The following KY variants were observed in gnomAD, a reference collection of about 807,000 sequenced individuals.
KY encodes the protein kyphoscoliosis peptidase.
In KY, 43 loss-of-function variants were observed where a neutral mutation model predicts 76.1. The observed-to-expected ratio is 0.57, with a 90% confidence interval of 0.44 to 0.73. KY has a LOEUF of 0.73. Ranked by LOEUF, KY falls within the 30% of genes least tolerant of loss-of-function variation. The pLI, the probability that KY is intolerant of heterozygous loss-of-function variation, is 0.00. For synonymous variants in KY, 277 were observed against 326.2 expected (o/e 0.85, Z 1.63); for missense variants, 722 against 828.9 (o/e 0.87, Z 1.58).
intron 3 of KY, 58 bp from the exon 4 acceptor site, chr3:134,629,753 C>T: frequency 1.0e-6 from 1 of 999,540 alleles, no homozygotes. Flanking sequence ...AGGGTGAATG[C>T]CTCATGACTG....
intron 1 of KY, among the ~76,000 whole-genome samples, chr3:134,648,067 GCT>G (rs1966643041): frequency 6.6e-6 from 1 of 152,244 alleles, no homozygotes; most frequent in Admixed American, 6.5e-5. Context: ...GGGAAGGAAA[GCT>G]CTCGCTCTGG....
chr3:134,638,426 C>T (rs1280705546), intron 3 of KY, among the ~76,000 whole-genome samples: 1 of 152,190 alleles, frequency 6.6e-6, no homozygotes, highest in Non-Finnish European at 1.5e-5. Context: ...TGACTATTAA[C>T]CACCACAACC....
At chr3:134,607,701 G>A (rs1443979763) in intron 10 of KY, 1 of 985,684 alleles carries the variant, frequency 1.0e-6, no homozygotes, top group Admixed American at 6.1e-5. Context: ...GTATGCCTCA[G>A]AGTGTGCAAA....
chr3:134,605,972 T>A (rs1959189391), intron 10 of KY, among the ~76,000 whole-genome samples: 1 of 152,204 alleles, frequency 6.6e-6, no homozygotes, highest in African/African-American at 2.4e-5. Context: ...TCTACATGCT[T>A]TCTCTACTGC....
intron 6 of KY, among the ~76,000 whole-genome samples, chr3:134,621,243 C>T (rs1238735195): frequency 6.6e-6 from 1 of 152,080 alleles, no homozygotes; most frequent in Non-Finnish European, 1.5e-5. Context: ...CTATAAATTC[C>T]AAGGGGCTCC....
At chr3:134,618,199 G>A (rs142888914) in intron 8 of KY, among the ~76,000 whole-genome samples, 2,278 of 152,242 alleles carry the variant, frequency 0.015, 36 homozygotes, top group Non-Finnish European at 0.019. Context: ...GCAGGAGGCA[G>A]CACAACAGGG....
chr3:134,647,548 A>G, intron 1 of KY, 51 bp from the exon 2 acceptor site: 8 of 1,155,382 alleles, frequency 6.9e-6, no homozygotes, highest in South Asian at 1.3e-5. Context: ...CAAAAGAGTG[A>G]TGTACCAGTT....
At chr3:134,648,106 G>A (rs2108044417) in intron 1 of KY, among the ~76,000 whole-genome samples, 1 of 152,368 alleles carries the variant, frequency 6.6e-6, no homozygotes, top group East Asian at 1.9e-4. Context: ...TAGCCGCAAG[G>A]TCGAGTTCCT....
At chr3:134,640,248 A>G (rs758348629) in intron 3 of KY, among the ~76,000 whole-genome samples, 22 of 152,244 alleles carry the variant, frequency 1.4e-4, no homozygotes, top group Non-Finnish European at 2.8e-4. Flanking sequence ...ACCCAAATCA[A>G]CACCACCAGA....
intron 8 of KY, among the ~76,000 whole-genome samples, chr3:134,612,728 G>GTCAGC (rs1231266180): frequency 6.7e-6 from 1 of 148,462 alleles, no homozygotes; most frequent in East Asian, 2.0e-4. Flanking sequence ...AATCTCTCCA[G>GTCAGC]TCAGCACAAT....
rs989867286 is a variant in KY, at chr3:134,603,510, C to T, written c.*69G>A. The T allele has an allele frequency of 4.2e-6, 6 of 1,429,986 alleles. No individual in the cohort carries two copies. Among genetic ancestry groups the T allele is most frequent in the Non-Finnish European group, 5.7e-6 (6 of 1,057,312 alleles). 88.6% of individuals were successfully genotyped at this position (1,429,986 alleles called of 1,614,324 possible). A position where few individuals can be genotyped will look rare whatever the true frequency, so the allele number is the denominator to read the frequency against. On this transcript the variant is annotated 3_prime_UTR_variant, in exon 11 of 11. Coordinates refer to ENST00000423778, the MANE Select transcript of KY (RefSeq NM_178554.6). ...TCAGTGGTGTCCAGGGCTCCCTGCA[C>T]TTCCTTCGAGCCCTCCCTGGGGAGG...
At chr3:134,634,726 CT>C (rs1964696913) in intron 3 of KY, among the ~76,000 whole-genome samples, 1 of 152,142 alleles carries the variant, frequency 6.6e-6, no homozygotes, top group African/African-American at 2.4e-5. Context: ...ATGGAGAGTA[CT>C]GTTCATGGAA....
intron 9 of KY, 72 bp from the exon 10 acceptor site, chr3:134,608,911 G>A: frequency 6.6e-7 from 1 of 1,520,620 alleles, no homozygotes; most frequent in Non-Finnish European, 8.9e-7. Context: ...ACCCACCGGA[G>A]TGGTCCTATG....
intron 5 of KY, among the ~76,000 whole-genome samples, chr3:134,626,556 G>A (rs1415528352): frequency 6.6e-6 from 1 of 152,208 alleles, no homozygotes; most frequent in Non-Finnish European, 1.5e-5. Flanking sequence ...GACACTGCAG[G>A]TGCATTTGCC....
At chr3:134,632,261 A>C (rs1047221630) in intron 3 of KY, among the ~76,000 whole-genome samples, 1 of 152,094 alleles carries the variant, frequency 6.6e-6, no homozygotes, top group Non-Finnish European at 1.5e-5. Flanking sequence ...ACAATGAATA[A>C]AATTTATTTG....
intron 2 of KY, 97 bp from the exon 3 acceptor site, chr3:134,643,475 C>T (rs377465818): frequency 2.6e-5 from 26 of 1,014,292 alleles, no homozygotes; most frequent in African/African-American, 2.1e-4. Flanking sequence ...GGTGGGCTGG[C>T]GGGGGCCAAG....
rs1453720648 is a variant in KY, at chr3:134,604,097, T to C, written c.1468A>G (p.Ile490Val). The C allele has an allele frequency of 6.2e-7, 1 of 1,612,902 alleles. No homozygotes were observed. Among genetic ancestry groups the C allele is most frequent in the Non-Finnish European group, 8.5e-7 (1 of 1,179,332 alleles). Residue 490 changes from isoleucine to valine, a missense_variant, in exon 11 of 11, where the codon ATT becomes GTT. By Grantham distance (29) the Ile-to-Val change is conservative. Around this residue, in one of 2 missense-constraint regions of KY, gnomAD observed 552 missense variants for 680.9 expected, o/e 0.81. Coordinates refer to ENST00000423778, the MANE Select transcript of KY (RefSeq NM_178554.6). ...CSISFSVEEGINVLASLHGDD... is the reference protein window; with the variant it reads ...CSISFSVEEGVNVLASLHGDD... ...CCGTGGAGGGAAGCCAGGACATTAA[T>C]GCCCTCCTCCACGCTGAAGCTGATG... is the stretch of plus-strand genomic sequence containing the variant.
intron 3 of KY, among the ~76,000 whole-genome samples, chr3:134,635,829 A>T (rs1453563457): frequency 6.6e-6 from 1 of 152,256 alleles, no homozygotes; most frequent in Non-Finnish European, 1.5e-5. Context: ...AACGATATAA[A>T]GCAGAAAGTG....
At chr3:134,633,775 A>G (rs1382511049) in intron 3 of KY, among the ~76,000 whole-genome samples, 1 of 152,150 alleles carries the variant, frequency 6.6e-6, no homozygotes, top group South Asian at 2.1e-4. Context: ...AAGAAAGAGA[A>G]ATAAAAGGCA....
Sources: gnomAD v4.1 joint callset for allele counts (sites outside exome capture counted in the v4.1 genomes callset) on GRCh38, gnomAD v4.1.1 for gene constraint, gnomAD v4.1.1 regional missense constraint, MANE v1.5 for transcripts, NCBI Gene and HGNC (gene_info 2026-07-23, HGNC 2026-07-21) for gene names.